RBFOX1: variants seen among roughly 807,000 people sequenced by gnomAD.
RBFOX1 encodes the protein RNA binding fox-1 homolog 1, also known as RNA binding protein fox-1 homolog 1.
A neutral mutation model predicts 57.7 loss-of-function variants in RBFOX1; 8 were observed. The observed-to-expected ratio is 0.14, with a 90% confidence interval of 0.08 to 0.25. RBFOX1 has a LOEUF of 0.25. Among genes scored for constraint, RBFOX1 ranks in the 10% least tolerant of loss-of-function variants. The probability of loss-of-function intolerance (pLI) is 1.00; values close to 1 mark genes in which losing one functional copy is unlikely to be tolerated. For synonymous variants in RBFOX1, 326 were observed against 222.4 expected, an observed-to-expected ratio of 1.47 and a Z score of -4.15; for missense variants, 611 against 548.5, an observed-to-expected ratio of 1.11 and a Z score of -1.14.
intron 1 of RBFOX1, among the ~76,000 whole-genome samples, chr16:6,061,797 A>G (rs935028389): frequency 6.6e-6 from 1 of 152,142 alleles, no homozygotes; most frequent in African/African-American, 2.4e-5. Context: ...TTCCCCATCA[A>G]CAACCAGTTC....
At chr16:6,559,947 G>A (rs954744297) in intron 2 of RBFOX1, among the ~76,000 whole-genome samples, 3 of 152,068 alleles carry the variant, frequency 2.0e-5, no homozygotes, top group African/African-American at 7.2e-5. Context: ...AAGAAAGACT[G>A]ATGTTTTCCA....
At position 7,703,498 on chromosome 16, in the gene RBFOX1, A is replaced by C. The variant is rs2081431961; in HGVS notation, c.996-5558A>C. On this transcript the variant is annotated intron_variant, in intron 14 of 15. Transcript: ENST00000550418. ...AGATGATACTAATGGAAGAATAAAAAGTTCCCAGGGCATAAACGCTCCTCA... is the reference window on the plus strand; with the variant it reads ...AGATGATACTAATGGAAGAATAAAACGTTCCCAGGGCATAAACGCTCCTCA... Among the ~76,000 whole-genome samples, 3 of 152,220 alleles carry C rather than the reference A, an allele frequency of 2.0e-5. No homozygotes were observed. In the South Asian group the frequency reaches 6.2e-4, roughly 32 times the overall value.
chr16:6,890,126 G>A (rs118092439), intron 3 of RBFOX1, among the ~76,000 whole-genome samples: 1,880 of 152,332 alleles, frequency 0.012, 22 homozygotes, highest in Non-Finnish European at 0.02. Context: ...AATAATATAG[G>A]TGGTAAGGTG....
At chr16:7,163,860 A>G (rs902683158) in intron 4 of RBFOX1, among the ~76,000 whole-genome samples, 24 of 152,096 alleles carry the variant, frequency 1.6e-4, no homozygotes, top group African/African-American at 5.1e-4. Context: ...AAGTTTTACC[A>G]TGTTGGCCAG....
At chr16:5,832,351 G>C (rs2056303615) in intron 3 of RBFOX1, among the ~76,000 whole-genome samples, 2 of 152,192 alleles carry the variant, frequency 1.3e-5, no homozygotes, top group African/African-American at 2.4e-5. Flanking sequence ...GGAAGGCTGA[G>C]GTAGGCAGGG....
intron 3 of RBFOX1, among the ~76,000 whole-genome samples, chr16:6,712,705 A>G (rs1035841782): frequency 6.6e-6 from 1 of 152,062 alleles, no homozygotes; most frequent in African/African-American, 2.4e-5. Flanking sequence ...CTCTGAAAAC[A>G]TACCCACTTC....
At chr16:5,685,093 GAA>G (rs1235720468) in intron 3 of RBFOX1, among the ~76,000 whole-genome samples, 2 of 152,092 alleles carry the variant, frequency 1.3e-5, no homozygotes, top group Non-Finnish European at 2.9e-5. Context: ...AAGCAGACAT[GAA>G]AAAAGGAGAA....
intron 1 of RBFOX1, among the ~76,000 whole-genome samples, chr16:6,160,990 C>A (rs185055881): frequency 6.6e-6 from 1 of 152,224 alleles, no homozygotes. Context: ...TTCCTACCGA[C>A]AATGGAATGC....
intron 4 of RBFOX1, among the ~76,000 whole-genome samples, chr16:7,281,647 T>A (rs1053037906): frequency 6.6e-6 from 1 of 152,084 alleles, no homozygotes; most frequent in Admixed American, 6.5e-5. Context: ...CTAGTCTAGA[T>A]GAGAAGACAG....
intron 4 of RBFOX1, among the ~76,000 whole-genome samples, chr16:7,104,723 A>G (rs150245928): frequency 3.2e-4 from 49 of 152,210 alleles, no homozygotes; most frequent in African/African-American, 1.1e-3. Flanking sequence ...TAACCAAGGA[A>G]CTCTAATGTT....
At position 5,599,011 on chromosome 16, in the gene RBFOX1, C is replaced by T. The variant is rs1322943134; in HGVS notation, c.368C>T (p.Ala123Val). ...AGATTAGATTTTGAAACTACTTTTGCATCCTTTTCAGCCTCTTTGGTCTCC... is the reference window on the plus strand; with the variant it reads ...AGATTAGATTTTGAAACTACTTTTGTATCCTTTTCAGCCTCTTTGGTCTCC... The change falls in exon 3 of 3, where the codon GCA becomes GTA. Residue 123 changes from alanine to valine, a missense_variant. Transcript: ENST00000585867. 7.0e-6 allele frequency: 10 copies of T among 1,420,276 alleles called. No individual in the cohort carries two copies. The Admixed American group carries it at 9.8e-5, about 14-fold the overall frequency. 88.0% of individuals were successfully genotyped at this position (1,420,276 alleles called of 1,614,324 possible). A position where few individuals can be genotyped will look rare whatever the true frequency, so the allele number is the denominator to read the frequency against.
At chr16:5,344,464 A>C (rs1255203536) in intron 1 of RBFOX1, among the ~76,000 whole-genome samples, 1 of 152,106 alleles carries the variant, frequency 6.6e-6, no homozygotes, top group Non-Finnish European at 1.5e-5. Context: ...GATGCTTCTT[A>C]TTTTGTTCCC....
chr16:5,820,451 A>T (rs961108625), intron 3 of RBFOX1, among the ~76,000 whole-genome samples: 1 of 152,106 alleles, frequency 6.6e-6, no homozygotes, highest in Non-Finnish European at 1.5e-5. Context: ...CCGTGCCGGG[A>T]TTGATCAGCA....
At chr16:6,772,878 G>A (rs962349475) in intron 3 of RBFOX1, among the ~76,000 whole-genome samples, 6 of 149,700 alleles carry the variant, frequency 4.0e-5, no homozygotes, top group Non-Finnish European at 5.9e-5. Flanking sequence ...GTGTCTGTGT[G>A]GGCGTGGGGT....
At chr16:5,750,366 C>T (rs781638707) in intron 3 of RBFOX1, among the ~76,000 whole-genome samples, 7 of 152,218 alleles carry the variant, frequency 4.6e-5, no homozygotes, top group Non-Finnish European at 7.3e-5. Context: ...AAACTCCATG[C>T]TGGGAGAACT....
At chr16:6,885,574 C>T (rs2063824413) in intron 3 of RBFOX1, among the ~76,000 whole-genome samples, 1 of 151,682 alleles carries the variant, frequency 6.6e-6, no homozygotes, top group Non-Finnish European at 1.5e-5. Context: ...CTCTGTCATC[C>T]AGGCTGGAGT....
At chr16:7,058,455 T>G (rs533189042) in intron 4 of RBFOX1, among the ~76,000 whole-genome samples, 1 of 152,324 alleles carries the variant, frequency 6.6e-6, no homozygotes, top group South Asian at 2.1e-4. Flanking sequence ...CCTACTGAGA[T>G]AAAATCTAGA....
intron 2 of RBFOX1, among the ~76,000 whole-genome samples, chr16:5,572,496 C>T (rs2046315786): frequency 6.6e-6 from 1 of 152,170 alleles, no homozygotes; most frequent in Non-Finnish European, 1.5e-5. Flanking sequence ...TCCTAGGTCT[C>T]TACTCACTGG....
chr16:6,960,543 C>T (rs544744561), intron 3 of RBFOX1, among the ~76,000 whole-genome samples: 2 of 152,174 alleles, frequency 1.3e-5, no homozygotes, highest in South Asian at 4.2e-4. Context: ...CAGGAGTCAC[C>T]TCTTTCTTGT....
Sources: allele counts gnomAD v4.1 joint callset (sites outside exome capture counted in the v4.1 genomes callset), GRCh38; gene constraint gnomAD v4.1.1; transcripts MANE v1.5; gene names NCBI Gene and HGNC (gene_info 2026-07-23, HGNC 2026-07-21).